Variants in RNF168 observed in about 807,000 individuals in gnomAD.
RNF168 encodes ring finger protein 168, also known as E3 ubiquitin-protein ligase RNF168.
RNF168 carries 34 observed loss-of-function variants against 34.9 expected under a neutral mutation model. The ratio of observed to expected loss-of-function variants is 0.97; its 90% CI spans 0.74 to 1.30. RNF168 has a LOEUF of 1.30. Ranked by LOEUF, RNF168 falls within the 50% of genes most tolerant of loss-of-function variation. The probability of loss-of-function intolerance (pLI) is 0.00; values close to 1 mark genes in which losing one functional copy is unlikely to be tolerated. For synonymous variants in RNF168, 264 were observed against 254.7 expected, an observed-to-expected ratio of 1.04 and a Z score of -0.35; for missense variants, 725 against 682.5, an observed-to-expected ratio of 1.06 and a Z score of -0.69.
At position 196,503,149 on chromosome 3, in the gene RNF168, G is replaced by C; in HGVS notation, c.25C>G (p.Pro9Ala). Residue 9 changes from proline (P) to alanine (A), a missense_variant, in exon 1 of 6, where the codon CCC (proline) becomes GCC (alanine). Transcript: ENST00000318037. MALPKDAI[P>A]SLSECQCGIC... is the part of the protein sequence containing the mutation. ...CCGCACTGGCACTCGGACAGCGAGG[G>C]GATGGCGTCTTTGGGTAGAGCCATT... is the stretch of plus-strand genomic sequence containing the variant. The C allele has an allele frequency of 6.2e-7, 1 of 1,614,136 alleles. No individual in the cohort carries two copies. Among genetic ancestry groups the C allele is most frequent in the Non-Finnish European group, 8.5e-7 (1 of 1,180,000 alleles).
chr3:196,501,937 A>C (rs1450033857), intron 1 of RNF168, among the ~76,000 whole-genome samples: 1 of 151,808 alleles, frequency 6.6e-6, no homozygotes, highest in Non-Finnish European at 1.5e-5. Flanking sequence ...CGAGCATTTG[A>C]ATAAAGCTTT....
At chr3:196,498,878 C>A (rs1450680656) in intron 1 of RNF168, among the ~76,000 whole-genome samples, 4 of 151,884 alleles carry the variant, frequency 2.6e-5, no homozygotes, top group Admixed American at 6.6e-5. Context: ...GCCTGTAATC[C>A]CAGCTACTTA....
At chr3:196,475,582 G>A in intron 4 of RNF168, among the ~76,000 whole-genome samples, 1 of 128,164 alleles carries the variant, frequency 7.8e-6, no homozygotes, top group East Asian at 2.1e-4. Flanking sequence ...ATAGAGTCTC[G>A]CTCTGTCACC....
intron 2 of RNF168, 151 bp from the exon 3 acceptor site, chr3:196,487,729 T>TG: frequency 2.5e-6 from 2 of 805,914 alleles, no homozygotes. Context: ...AGTAGATTCC[T>TG]GCAAGATAGC....
At position 196,476,139 on chromosome 3, in the gene RNF168, C is replaced by T. The variant is rs939506296; in HGVS notation, c.681-827G>A. On this transcript the variant is annotated intron_variant, in intron 4 of 5. Transcript: ENST00000318037. The stretch of plus-strand genomic sequence containing the variant: ...CCTCCCAAAGTGCTGGGATTACAGC[C>T]GTGAGCCACTGCGCCCAGCGTAAAT... Among the ~76,000 whole-genome samples, 54 of 152,114 alleles carry T rather than the reference C, an allele frequency of 3.5e-4. 3 individuals carry two copies. The highest frequency in any genetic ancestry group is 1.9e-4 in the East Asian group (1 of 5,152).
At chr3:196,492,197 C>T (rs1299948228) in intron 1 of RNF168, among the ~76,000 whole-genome samples, 1 of 151,992 alleles carries the variant, frequency 6.6e-6, no homozygotes, top group East Asian at 1.9e-4. Context: ...ACATTAGATA[C>T]AATAAAATAG....
In RNF168 at chr3:196,470,209, C is replaced by T. The variant is rs544655104; in HGVS notation, c.*1610G>A. 8.5e-5 allele frequency: 13 copies of T among 152,408 alleles called. No individual in the cohort carries two copies. The highest frequency in any genetic ancestry group is 7.2e-4 in the Admixed American group (11 of 15,216). The allele number at this position is 152,408 out of a possible 1,614,324, so 9.4% of individuals were successfully genotyped here. On this transcript the variant is annotated 3_prime_UTR_variant, in exon 6 of 6. Coordinates refer to ENST00000318037, the MANE Select transcript of RNF168 (RefSeq NM_152617.4). ...TCACCACCCAATCAGTTTCAATGAT[C>T]CAGACTGTCAGTCACCCCATCCAGC...
chr3:196,475,869 CTTTTT>C (rs1349842293), intron 4 of RNF168, among the ~76,000 whole-genome samples: 1 of 126,990 alleles, frequency 7.9e-6, no homozygotes. Context: ...TTTTTCTTTT[CTTTTT>C]TTTGAGACGG....
chr3:196,479,724 G>C (rs1382730275), intron 4 of RNF168, among the ~76,000 whole-genome samples: 1 of 151,658 alleles, frequency 6.6e-6, no homozygotes, highest in East Asian at 1.9e-4. Context: ...CCCAGTAGCG[G>C]GATTACAGGC....
Position 196,503,118 on chromosome 3 carries a change from C to G in RNF168, c.56G>C (p.Cys19Ser), listed in dbSNP as rs1732944534. ...GACGGGCTCCACGAGGATTTCCATG[C>G]AGATCCCGCACTGGCACTCGGACAG... ...PSLSECQCGI[C>S]MEILVEPVTL... Residue 19 changes from cysteine to serine, a missense_variant, in exon 1 of 6, where the codon TGC becomes TCC. Cys to Ser is a moderately radical substitution (Grantham distance 112, BLOSUM62 -1). Coordinates refer to ENST00000318037, the MANE Select transcript of RNF168 (RefSeq NM_152617.4). The G allele has an allele frequency of 6.2e-7, 1 of 1,614,138 alleles. No homozygotes were observed. Among genetic ancestry groups the G allele is most frequent in the Non-Finnish European group, 8.5e-7 (1 of 1,179,980 alleles).
In RNF168 at chr3:196,490,880, G is replaced by A. The variant is rs1035420437; in HGVS notation, c.302-2197C>T. On this transcript the variant is annotated intron_variant, in intron 1 of 5. Coordinates refer to ENST00000318037, the MANE Select transcript of RNF168 (RefSeq NM_152617.4). ...TATACACAGGAGAGACATATATAAG[G>A]CTCCTTAAAAAGTAGAAGGATAATC... Among the ~76,000 whole-genome samples, 3 of 152,180 alleles carry A rather than the reference G, an allele frequency of 2.0e-5. No homozygotes were observed. The East Asian group carries it at 5.8e-4, about 29-fold the overall frequency.
intron 4 of RNF168, among the ~76,000 whole-genome samples, chr3:196,477,942 G>C (rs1486543880): frequency 6.6e-6 from 1 of 152,070 alleles, no homozygotes; most frequent in Non-Finnish European, 1.5e-5. Context: ...AAATTAGCTG[G>C]ACATAATGGT....
At chr3:196,477,634 G>A (rs1461120180) in intron 4 of RNF168, among the ~76,000 whole-genome samples, 2 of 152,188 alleles carry the variant, frequency 1.3e-5, no homozygotes, top group African/African-American at 4.8e-5. Context: ...AAGCATACCA[G>A]TACCAAAGTA....
At chr3:196,485,328 T>C (rs34722299) in intron 3 of RNF168, among the ~76,000 whole-genome samples, 97,586 of 151,684 alleles carry the variant, frequency 0.64, 32,459 homozygotes, top group African/African-American at 0.77. Flanking sequence ...GCCAACATGG[T>C]GAAACCCCAT....
In RNF168 at chr3:196,471,196, CAAAAAAAAAAAAAAAAAAAAAA is replaced by C. The variant is rs57647149; in HGVS notation, c.*601_*622del. On this transcript the variant is annotated 3_prime_UTR_variant, in exon 6 of 6. Coordinates refer to ENST00000318037, the MANE Select transcript of RNF168 (RefSeq NM_152617.4). ...GCGTGACAGAGCAAGACTCTGTCTC[CAAAAAAAAAAAAAAAAAAAAAA>C]AAAAAAAAAAATCTGGGATTTCCCA... is the stretch of plus-strand genomic sequence containing the variant. 2 of 40,642 alleles carry C rather than the reference CAAAAAAAAAAAAAAAAAAAAAA, an allele frequency of 4.9e-5. No homozygotes were observed. Among genetic ancestry groups the C allele is most frequent in the Non-Finnish European group, 8.9e-5 (2 of 22,424 alleles). The allele number at this position is 40,642 out of a possible 1,614,324, so 2.5% of individuals were successfully genotyped here.
In RNF168 at chr3:196,487,390, A is replaced by G. The variant is rs1732481161; in HGVS notation, c.558+9T>C. Reference sequence around the variant, plus strand: ...TGACCATACCTTAGCGTTCCCTCCTAAAACTTACAATATCAATGCTTAGCT... The same window carrying G: ...TGACCATACCTTAGCGTTCCCTCCTGAAACTTACAATATCAATGCTTAGCT... On this transcript the variant is annotated intron_variant, in intron 3 of 5. Transcript: ENST00000318037. 1 of 1,611,900 alleles carries G rather than the reference A, an allele frequency of 6.2e-7. No individual in the cohort carries two copies. The highest frequency in any genetic ancestry group is 1.1e-5 in the South Asian group (1 of 91,020).
chr3:196,497,978 A>G (rs1276478366), intron 1 of RNF168, among the ~76,000 whole-genome samples: 2 of 152,230 alleles, frequency 1.3e-5, no homozygotes, highest in East Asian at 3.8e-4. Flanking sequence ...GAACACTATC[A>G]TTAGTTACCT....
Position 196,472,306 on chromosome 3 carries a change from A to G in RNF168, c.1229T>C (p.Val410Ala), listed in dbSNP as rs775267478. The G allele has an allele frequency of 5.0e-6, 8 of 1,613,876 alleles. No individual in the cohort carries two copies. The Admixed American group carries it at 6.7e-5, about 13-fold the overall frequency. The change falls in exon 6 of 6, where the codon GTG becomes GCG. Residue 410 changes from valine to alanine, a missense_variant. Physicochemically the swap from Val to Ala is moderately conservative, Grantham distance 64. Transcript: ENST00000318037. ...TTGATCTGGGGAAGATTCGGGGGAC[A>G]CTTTTCTTCTTTTTGCAGAAAAGCA... ...DPCFSAKRRK[V>A]SPESSPDQEE...
intron 4 of RNF168, among the ~76,000 whole-genome samples, chr3:196,480,915 G>A (rs1022946746): frequency 2.6e-5 from 4 of 152,156 alleles, no homozygotes; most frequent in East Asian, 1.9e-4. Flanking sequence ...GAAGTGCTGG[G>A]ATTATAGGCA....
Sources: allele counts gnomAD v4.1 joint callset (sites outside exome capture counted in the v4.1 genomes callset), GRCh38; gene constraint gnomAD v4.1.1; transcripts MANE v1.5; gene names NCBI Gene and HGNC (gene_info 2026-07-23, HGNC 2026-07-21).